BRAF: variants seen among roughly 807,000 people sequenced by gnomAD.
BRAF encodes B-Raf proto-oncogene, serine/threonine kinase, also known as serine/threonine-protein kinase B-raf.
A neutral mutation model predicts 104.6 loss-of-function variants in BRAF; 16 were observed. The ratio of observed to expected loss-of-function variants is 0.15; its 90% confidence interval spans 0.10 to 0.23. The LOEUF (loss-of-function observed/expected upper bound fraction) is 0.23. Among genes scored for constraint, BRAF ranks in the 10% least tolerant of loss-of-function variants. The probability of loss-of-function intolerance (pLI) is 1.00; values close to 1 mark genes in which losing one functional copy is unlikely to be tolerated. For synonymous variants in BRAF, 310 were observed against 341.6 expected (o/e 0.91, Z 1.02); for missense variants, 541 against 937.3 (o/e 0.58, Z 5.52).
chr7:140,915,660 T>G lies in BRAF; in HGVS notation c.138+8906A>C, dbSNP rs1312006244. Among the ~76,000 whole-genome samples, 6 of 152,076 alleles carry G rather than the reference T, an allele frequency of 3.9e-5. No homozygotes were observed. The East Asian group carries it at 1.2e-3, about 29-fold the overall frequency. On this transcript the variant is annotated intron_variant, in intron 1 of 19. Transcript: ENST00000644969. The stretch of plus-strand genomic sequence containing the variant: ...CATGTTGGTCAGGTTGGTCTCGAAC[T>G]CCTGACCTCAGGTGATCCACCCATC...
intron 11 of BRAF, 62 bp downstream of exon 10, chr7:140,782,959 C>T (rs1305721869): frequency 5.7e-6 from 9 of 1,565,320 alleles, no homozygotes; most frequent in Non-Finnish European, 7.9e-6. Flanking sequence ...GATAATATTA[C>T]ATTTGGCTGT....
At chr7:140,820,697 T>C (rs764510434) in intron 3 of BRAF, among the ~76,000 whole-genome samples, 6 of 152,150 alleles carry the variant, frequency 3.9e-5, no homozygotes, top group Non-Finnish European at 5.9e-5. Context: ...CCCAGCACTA[T>C]GGGAGGCCAC....
At chr7:140,728,496 G>T (rs771248454) in intron 19 of BRAF, among the ~76,000 whole-genome samples, 12 of 150,626 alleles carry the variant, frequency 8.0e-5, no homozygotes, top group Non-Finnish European at 1.2e-4. Flanking sequence ...AAGGGTAAAA[G>T]AATTATTGCC....
At chr7:140,916,281 A>G (rs950507699) in intron 1 of BRAF, among the ~76,000 whole-genome samples, 5 of 152,242 alleles carry the variant, frequency 3.3e-5, no homozygotes, top group Admixed American at 3.3e-4. Context: ...AGTTTAAAAC[A>G]AAGTAAAGGG....
intron 1 of BRAF, among the ~76,000 whole-genome samples, chr7:140,856,384 A>G (rs1370991270): frequency 6.6e-6 from 1 of 152,174 alleles, no homozygotes; most frequent in Non-Finnish European, 1.5e-5. Flanking sequence ...GGAAAAATTC[A>G]GAACATTCCT....
chr7:140,725,469 A>G lies in BRAF; in HGVS notation c.*1025T>C. ...TAAATCTGAAAATTATTTTCTTTTT[A>G]ATAAAAATAGAAAAGAAGAAACTCA... On this transcript the variant is annotated 3_prime_UTR_variant, in exon 20 of 20. Coordinates refer to ENST00000644969, the MANE Select transcript of BRAF (RefSeq NM_001374258.1). The G allele has an allele frequency of 1.1e-6, 1 of 933,142 alleles. No homozygotes were observed. The highest frequency in any genetic ancestry group is 1.3e-6 in the Non-Finnish European group (1 of 766,550). 57.8% of individuals were successfully genotyped at this position (933,142 alleles called of 1,614,324 possible). A position where few individuals can be genotyped will look rare whatever the true frequency, so the allele number is the denominator to read the frequency against.
chr7:140,889,270 T>A (rs918834098), intron 1 of BRAF, among the ~76,000 whole-genome samples: 5 of 152,244 alleles, frequency 3.3e-5, no homozygotes, highest in African/African-American at 1.2e-4. Context: ...TATGAATTTG[T>A]ACACACTATT....
chr7:140,850,880 T>C (rs1173316416), intron 1 of BRAF, among the ~76,000 whole-genome samples: 1 of 152,210 alleles, frequency 6.6e-6, no homozygotes, highest in Non-Finnish European at 1.5e-5. Flanking sequence ...CCTTGTCTAC[T>C]TCCTCTTTTA....
At chr7:140,790,302 G>A (rs988242343) in intron 8 of BRAF, among the ~76,000 whole-genome samples, 13 of 152,066 alleles carry the variant, frequency 8.5e-5, no homozygotes, top group Non-Finnish European at 1.3e-4. Context: ...TTTAAATTCC[G>A]AATGTGTTCT....
intron 12 of BRAF, among the ~76,000 whole-genome samples, chr7:140,780,151 TTA>T (rs1800724985): frequency 6.6e-6 from 1 of 152,252 alleles, no homozygotes; most frequent in Admixed American, 6.5e-5. Flanking sequence ...AAAAGTGACA[TTA>T]TATGTTATTA....
Position 140,800,368 on chromosome 7 carries a change from G to C in BRAF, c.974C>G (p.Ser325Cys), listed in dbSNP as rs1238788540. Residue 325 changes from serine (S) to cysteine (C), a missense_variant, in exon 7 of 20, where the codon TCT becomes TGT. This residue lies in a region of BRAF where 79 missense variants were observed against 74.6 expected (regional missense o/e 1.06). Coordinates refer to ENST00000644969, the MANE Select transcript of BRAF (RefSeq NM_001374258.1). Reference sequence around the variant, plus strand: ...AGCAGAAGTCAAACCATACCCAATAGAGTCCGAGGCGGGTGCGGAAGGGGA... The same window carrying C: ...AGCAGAAGTCAAACCATACCCAATACAGTCCGAGGCGGGTGCGGAAGGGGA... Reference protein sequence around the residue: ...GSSPSAPASDSIGPQILTSPS... With the variant: ...GSSPSAPASDCIGPQILTSPS... The C allele has an allele frequency of 1.2e-6, 2 of 1,613,988 alleles. No individual in the cohort carries two copies. The highest frequency in any genetic ancestry group is 1.3e-5 in the African/African-American group (1 of 74,928).
chr7:140,726,302 A>G lies in BRAF; in HGVS notation c.*192T>C, dbSNP rs1246311846. 1 of 1,420,402 alleles carries G rather than the reference A, an allele frequency of 7.0e-7. No homozygotes were observed. The highest frequency in any genetic ancestry group is 1.4e-5 in the African/African-American group (1 of 69,128). The allele number at this position is 1,420,402 out of a possible 1,614,324, so 88.0% of individuals were successfully genotyped here. On this transcript the variant is annotated 3_prime_UTR_variant, in exon 20 of 20. Transcript: ENST00000644969. ...TTTGTTGAAGAAACACTGGCAGCAG[A>G]GAATTCTGGTTCCTAAAACATTCTT...
chr7:140,731,809 A>C (rs1390236317), intron 19 of BRAF: 1 of 152,214 alleles, frequency 6.6e-6, no homozygotes, highest in African/African-American at 2.4e-5. Flanking sequence ...CTTTTTCCTC[A>C]TCATTGATTA....
chr7:140,726,186 C>G lies in BRAF; in HGVS notation c.*308G>C. ...ATCTCCCAAGCTGTAGCAGCAGTTTCTTTCCATCATGCCTGACCATCAAAA... is the reference window on the plus strand; with the variant it reads ...ATCTCCCAAGCTGTAGCAGCAGTTTGTTTCCATCATGCCTGACCATCAAAA... On this transcript the variant is annotated 3_prime_UTR_variant, in exon 20 of 20. Coordinates refer to ENST00000644969, the MANE Select transcript of BRAF (RefSeq NM_001374258.1). The G allele has an allele frequency of 1.7e-6, 2 of 1,185,132 alleles. No individual in the cohort carries two copies. Among genetic ancestry groups the G allele is most frequent in the Non-Finnish European group, 2.1e-6 (2 of 956,948 alleles). The allele number at this position is 1,185,132 out of a possible 1,614,324, so 73.4% of individuals were successfully genotyped here.
In BRAF at chr7:140,722,130, A is replaced by G. The variant is rs563259318; in HGVS notation, c.*4364T>C. On this transcript the variant is annotated 3_prime_UTR_variant, in exon 20 of 20. Transcript: ENST00000644969. ...TTGAAGAGCCTATGGGAGTAGAAAA[A>G]GTTTCTCTAGAAATGTCACTGAACT... The G allele has an allele frequency of 1.9e-6, 2 of 1,069,102 alleles. No homozygotes were observed. The highest frequency in any genetic ancestry group is 1.6e-5 in the African/African-American group (1 of 61,240). The allele number at this position is 1,069,102 out of a possible 1,614,324, so 66.2% of individuals were successfully genotyped here.
intron 7 of BRAF, among the ~76,000 whole-genome samples, chr7:140,798,213 C>T (rs572913073): frequency 3.3e-5 from 5 of 150,646 alleles, no homozygotes; most frequent in Admixed American, 2.6e-4. Flanking sequence ...ATAAATATTT[C>T]TAATCTTAAC....
rs2130828849 is a variant in BRAF at position 140,724,999 on chromosome 7, A to T, written c.*1495T>A. On this transcript the variant is annotated 3_prime_UTR_variant, in exon 20 of 20. Coordinates refer to ENST00000644969, the MANE Select transcript of BRAF (RefSeq NM_001374258.1). ...TTAATGAATGCCAGTTCTTTCTATA[A>T]AAACAACTGATGACAGCTTTCCCAC... The T allele has an allele frequency of 9.6e-7, 1 of 1,046,198 alleles. No individual in the cohort carries two copies. Among genetic ancestry groups the T allele is most frequent in the Non-Finnish European group, 1.2e-6 (1 of 867,312 alleles). 64.8% of individuals were successfully genotyped at this position (1,046,198 alleles called of 1,614,324 possible). A position where few individuals can be genotyped will look rare whatever the true frequency, so the allele number is the denominator to read the frequency against.
At chr7:140,908,187 G>A (rs759862315) in intron 1 of BRAF, among the ~76,000 whole-genome samples, 1 of 152,096 alleles carries the variant, frequency 6.6e-6, no homozygotes, top group Non-Finnish European at 1.5e-5. Flanking sequence ...TATTCACAGT[G>A]CCAATTGGAT....
intron 1 of BRAF, among the ~76,000 whole-genome samples, chr7:140,880,651 TAAG>T (rs750087947): frequency 1.6e-4 from 25 of 152,190 alleles, no homozygotes; most frequent in Non-Finnish European, 3.2e-4. Context: ...ACTTCTTAAA[TAAG>T]AAGAATTGAA....
Sources: allele counts gnomAD v4.1 joint callset (sites outside exome capture counted in the v4.1 genomes callset), GRCh38; gene constraint gnomAD v4.1.1; regional missense constraint gnomAD v4.1.1; transcripts MANE v1.5; gene names NCBI Gene and HGNC (gene_info 2026-07-23, HGNC 2026-07-21).